Variants in ZAP70 observed in about 807,000 individuals in gnomAD.
ZAP70 encodes tyrosine-protein kinase ZAP-70.
In ZAP70, 27 loss-of-function variants were observed where a neutral mutation model predicts 65.8. That is an observed-to-expected ratio of 0.41 (90% confidence interval 0.30 to 0.57). The LOEUF (loss-of-function observed/expected upper bound fraction) is 0.57. Among genes scored for constraint, ZAP70 ranks in the 20% least tolerant of loss-of-function variants. ZAP70 has a pLI of 0.28. For missense variants in ZAP70, 696 were observed against 870.5 expected (o/e 0.80, Z 2.52); for synonymous variants, 363 against 360.8 (o/e 1.01, Z -0.07).
intron 2 of ZAP70, among the ~76,000 whole-genome samples, chr2:97,718,800 C>G (rs1677050161): frequency 6.6e-6 from 1 of 152,224 alleles, no homozygotes; most frequent in African/African-American, 2.4e-5. Flanking sequence ...CCCCAGAGAC[C>G]AGCTTTGCTA....
the ZAP70 span, among the ~76,000 whole-genome samples, chr2:97,744,996 T>A: frequency 6.6e-6 from 1 of 152,226 alleles, no homozygotes; most frequent in African/African-American, 2.4e-5. Flanking sequence ...AAACTGAACT[T>A]GATCAATATA....
intron 13 of ZAP70, 68 bp from the exon 14 acceptor site, chr2:97,739,307 C>T (rs1678044988): frequency 8.7e-6 from 14 of 1,602,532 alleles, no homozygotes; most frequent in South Asian, 1.1e-5. Context: ...ACAGTGCATG[C>T]CCACCCACTG....
intron 3 of ZAP70, 137 bp downstream of exon 3, chr2:97,724,575 C>T: frequency 6.5e-7 from 1 of 1,534,076 alleles, no homozygotes; most frequent in Non-Finnish European, 8.7e-7. Context: ...AGGTGGGGCA[C>T]TGGTTGGGGA....
chr2:97,717,757 A>G (rs1676996654), intron 2 of ZAP70, among the ~76,000 whole-genome samples: 1 of 152,016 alleles, frequency 6.6e-6, no homozygotes, highest in African/African-American at 2.4e-5. Context: ...ACTGTATTTG[A>G]CCCCTTGACT....
chr2:97,752,787 G>A, the ZAP70 span, among the ~76,000 whole-genome samples: 2 of 152,112 alleles, frequency 1.3e-5, no homozygotes, highest in South Asian at 2.1e-4. Context: ...ATAAACATTT[G>A]TTCTTTTATT....
At chr2:97,745,164 G>A in the ZAP70 span, among the ~76,000 whole-genome samples, 4 of 152,176 alleles carry the variant, frequency 2.6e-5, no homozygotes, top group African/African-American at 9.7e-5. Flanking sequence ...TCAGCCTCCT[G>A]AGTAGCTGGG....
chr2:97,728,339 G>C (rs1279220855), intron 4 of ZAP70, among the ~76,000 whole-genome samples: 1 of 152,260 alleles, frequency 6.6e-6, no homozygotes, highest in African/African-American at 2.4e-5. Context: ...AGAGCGTGTG[G>C]CTGGCAGTGA....
At chr2:97,747,828 T>TG in the ZAP70 span, among the ~76,000 whole-genome samples, 1 of 130,142 alleles carries the variant, frequency 7.7e-6, no homozygotes, top group Non-Finnish European at 1.6e-5. Context: ...TTTTTTTTTT[T>TG]TTTTTTTTTT....
rs1677918997 is a variant in ZAP70 at position 97,737,024 on chromosome 2, G to C, written c.1290-449G>C. On this transcript the variant is annotated intron_variant, in intron 10 of 13. Coordinates refer to ENST00000264972, the MANE Select transcript of ZAP70 (RefSeq NM_001079.4). This position sits in a 1 kb window ranked among gnomAD's most constrained non-coding sequence, Gnocchi z 5.0. ...GCTTCCCGGTGGCAGAGGCAGAGAT[G>C]AGGAGTGCGGTGGATTCTGGAGAGA... is the stretch of plus-strand genomic sequence containing the variant. Among the ~76,000 whole-genome samples, 1 of 152,164 alleles carries C rather than the reference G, an allele frequency of 6.6e-6. No homozygotes were observed. Among genetic ancestry groups the C allele is most frequent in the Non-Finnish European group, 1.5e-5 (1 of 68,030 alleles).
At chr2:97,724,650 C>T (rs1677305932) in intron 3 of ZAP70, 1 of 1,530,464 alleles carries the variant, frequency 6.5e-7, no homozygotes, top group African/African-American at 1.4e-5. Flanking sequence ...GCAGGCTGAG[C>T]GATGCTATGG....
chr2:97,740,389 A>G (rs1187277699), downstream of ZAP70, among the ~76,000 whole-genome samples: 2 of 152,220 alleles, frequency 1.3e-5, no homozygotes, highest in Admixed American at 1.3e-4. Flanking sequence ...AATTGCATCA[A>G]TTTAGTGGTT....
chr2:97,734,699 T>C lies in ZAP70; in HGVS notation c.1069T>C (p.Tyr357His), dbSNP rs1677773390. ...CTTTGGCTCAGTGCGCCAGGGCGTG[T>C]ACCGCATGCGCAAGTATGGCCGCCC... ...GNFGSVRQGVYRMRKKQIDVA... is the reference protein window; with the variant it reads ...GNFGSVRQGVHRMRKKQIDVA... The change falls in exon 9 of 14, where the codon TAC becomes CAC. Residue 357 changes from tyrosine to histidine, a missense_variant. Tyr to His is a moderately conservative substitution (Grantham distance 83, BLOSUM62 2). Around this residue, in one of 3 missense-constraint regions of ZAP70, gnomAD observed 551 missense variants for 630.0 expected, o/e 0.87. Coordinates refer to ENST00000264972, the MANE Select transcript of ZAP70 (RefSeq NM_001079.4). The C allele has an allele frequency of 6.2e-7, 1 of 1,613,834 alleles. No homozygotes were observed. The highest frequency in any genetic ancestry group is 1.7e-5 in the Admixed American group (1 of 60,010).
Position 97,731,908 on chromosome 2 carries a change from C to T in ZAP70, c.564-975C>T, listed in dbSNP as rs901871155. Among the ~76,000 whole-genome samples, 1 of 152,034 alleles carries T rather than the reference C, an allele frequency of 6.6e-6. No homozygotes were observed. Among genetic ancestry groups the T allele is most frequent in the African/African-American group, 2.4e-5 (1 of 41,382 alleles). On this transcript the variant is annotated intron_variant, in intron 4 of 13. Transcript: ENST00000264972. The surrounding 1 kb of genome is among the most constrained non-coding windows in gnomAD (Gnocchi z 4.0). Reference sequence around the variant, plus strand: ...GCCTCCACAGCTTCCACGGGGCCAGCTGCCCTCCCTCCTCACTGTAAAGCT... The same window carrying T: ...GCCTCCACAGCTTCCACGGGGCCAGTTGCCCTCCCTCCTCACTGTAAAGCT...
At chr2:97,733,898 A>T in intron 8 of ZAP70, 1 of 522,584 alleles carries the variant, frequency 1.9e-6, no homozygotes, top group East Asian at 3.4e-5. Flanking sequence ...TGTATGAGCC[A>T]CCGAACCCTC....
chr2:97,734,787 G>A lies in ZAP70; in HGVS notation c.1082+75G>A, dbSNP rs532293567. ...GAGTGGCTTCACCGGGCTGTGGGAC[G>A]GGAGCCGGGATGTCTGTCTCACAGC... On this transcript the variant is annotated intron_variant, in intron 9 of 13. Transcript: ENST00000264972. 7 of 1,571,766 alleles carry A rather than the reference G, an allele frequency of 4.5e-6. No individual in the cohort carries two copies. In the East Asian group the frequency reaches 6.7e-5, roughly 15 times the overall value.
intron 3 of ZAP70, 157 bp from the exon 4 acceptor site, chr2:97,724,935 C>T (rs1677320092): frequency 6.5e-7 from 1 of 1,533,898 alleles, no homozygotes; most frequent in Non-Finnish European, 8.7e-7. Context: ...GAGGGGACCA[C>T]GGAGATGGCG....
chr2:97,724,775 G>C (rs1677312155), intron 3 of ZAP70: 2 of 1,505,448 alleles, frequency 1.3e-6, no homozygotes, highest in Non-Finnish European at 1.8e-6. Context: ...GAGCCCTTAG[G>C]GTAGGGTGGC....
At chr2:97,747,834 T>G in the ZAP70 span, among the ~76,000 whole-genome samples, 3 of 136,076 alleles carry the variant, frequency 2.2e-5, no homozygotes, top group African/African-American at 8.4e-5. Context: ...TTTTTTTTTT[T>G]TTTTTTTTTT....
At position 97,724,238 on chromosome 2, in the gene ZAP70, A is replaced by T. The variant is rs138628302; in HGVS notation, c.202A>T (p.Thr68Ser). The T allele has an allele frequency of 5.0e-6, 8 of 1,604,288 alleles. No homozygotes were observed. In the Admixed American group the frequency reaches 1.0e-4, roughly 20 times the overall value. ...HFPIERQLNG[T>S]YAIAGGKAHC... The stretch of plus-strand genomic sequence containing the variant: ...TCCCATCGAGCGCCAGCTCAACGGC[A>T]CCTACGCCATTGCCGGCGGCAAAGC... Residue 68 changes from threonine to serine, a missense_variant, in exon 3 of 14, where the codon ACC becomes TCC. Physicochemically the swap from Thr to Ser is moderately conservative, Grantham distance 58. This residue lies in a region of ZAP70 where 551 missense variants were observed against 630.0 expected (regional missense o/e 0.87). Coordinates refer to ENST00000264972, the MANE Select transcript of ZAP70 (RefSeq NM_001079.4).
Sources: gnomAD v4.1 joint callset for allele counts (sites outside exome capture counted in the v4.1 genomes callset) on GRCh38, gnomAD v4.1.1 for gene constraint, gnomAD v4.1.1 regional missense constraint, Gnocchi (gnomAD v3.1) non-coding constraint, MANE v1.5 for transcripts, NCBI Gene and HGNC (gene_info 2026-07-23, HGNC 2026-07-21) for gene names.